Variants in FASTKD5 observed in about 807,000 individuals in gnomAD.
FASTKD5 encodes non-canonical pre-mRNAs endonuclease FASTKD5, mitochondrial.
In FASTKD5, 30 loss-of-function variants were observed where a neutral mutation model predicts 44.0. That is an observed-to-expected ratio of 0.68 (90% CI 0.51 to 0.93). FASTKD5 has a LOEUF of 0.93. FASTKD5 is among the 40% of genes least tolerant of loss of function. The pLI, the probability that FASTKD5 is intolerant of heterozygous loss-of-function variation, is 0.00. For missense variants in FASTKD5, 868 were observed against 908.2 expected, an observed-to-expected ratio of 0.96 and a Z score of 0.57; for synonymous variants, 335 against 342.2, an observed-to-expected ratio of 0.98 and a Z score of 0.23.
chr20:3,148,602 T>C lies in FASTKD5; in HGVS notation c.469A>G (p.Asn157Asp), dbSNP rs774784083. Residue 157 changes from asparagine to aspartate, a missense_variant, in exon 2 of 2, where the codon AAT (asparagine) becomes GAT (aspartate). Physicochemically the swap from Asn to Asp is conservative, Grantham distance 23. Transcript: ENST00000380266. The part of the protein sequence containing the change: ...ILHKVRVNQN[N>D]LQAQVIVDYL... ...TCAACAATGACTTGAGCCTGGAGAT[T>C]ATTTTGATTAACTCTGACTTTGTGC... 1 of 1,614,196 alleles carries C rather than the reference T, an allele frequency of 6.2e-7. No homozygotes were observed. Among genetic ancestry groups the C allele is most frequent in the Non-Finnish European group, 8.5e-7 (1 of 1,180,048 alleles).
rs1272726938 is a variant in FASTKD5 at position 3,146,861 on chromosome 20, T to C, written c.2210A>G (p.Tyr737Cys). 1 of 1,614,066 alleles carries C rather than the reference T, an allele frequency of 6.2e-7. No homozygotes were observed. Among genetic ancestry groups the C allele is most frequent in the Non-Finnish European group, 8.5e-7 (1 of 1,180,036 alleles). The change falls in exon 2 of 2, where the codon TAC becomes TGC. Residue 737 changes from tyrosine to cysteine, a missense_variant. Coordinates refer to ENST00000380266, the MANE Select transcript of FASTKD5 (RefSeq NM_021826.5). ...RLGYRVVELSYWEWLPLLKRT... is the reference protein window; with the variant it reads ...RLGYRVVELSCWEWLPLLKRT... ...TTTCAGTAGTGGGAGCCATTCCCAG[T>C]AGGATAACTCTACCACACGGTAGCC...
chr20:3,147,466 A>G lies in FASTKD5; in HGVS notation c.1605T>C (p.Thr535=). The G allele has an allele frequency of 6.2e-7, 1 of 1,614,202 alleles. No individual in the cohort carries two copies. The highest frequency in any genetic ancestry group is 8.5e-7 in the Non-Finnish European group (1 of 1,180,036). Residue 535 remains threonine, a synonymous_variant, in exon 2 of 2, where the codon ACT becomes ACC. Transcript: ENST00000380266. ...ATTCAGACCCCTCTTGCTGAAGGTG[A>G]GTACTAAGACGATTGCCTCTGTAAT... ...CPDYRGNRLS[T]HLQQEGSELL... is the part of the protein sequence containing the mutation.
At position 3,149,722 on chromosome 20, in the gene FASTKD5, A is replaced by C. The variant is rs113071255; in HGVS notation, c.-190-462T>G. Among the ~76,000 whole-genome samples the C allele has an allele frequency of 0.012, 1,787 of 152,348 alleles. 37 individuals are homozygous for C. Among genetic ancestry groups the C allele is most frequent in the African/African-American group, 0.041 (1,722 of 41,578 alleles). On this transcript the variant is annotated intron_variant, in intron 1 of 1. Transcript: ENST00000380266. The surrounding 1 kb of genome is among the most constrained non-coding windows in gnomAD (Gnocchi z 4.1). ...AAGTAAAAAGTGGGATCTGGTATAA[A>C]AGATAATTAGTTGGCTGGGTGTGGG...
chr20:3,152,342 G>A (rs1038154906), intron 1 of FASTKD5, among the ~76,000 whole-genome samples: 4 of 151,752 alleles, frequency 2.6e-5, no homozygotes, highest in Non-Finnish European at 4.4e-5. Context: ...TTAGCCAGGC[G>A]TGGTGGTGGG....
chr20:3,156,670 C>T (rs1267199526), intron 1 of FASTKD5: 9 of 152,256 alleles, frequency 5.9e-5, no homozygotes. Flanking sequence ...TTTCACAGGA[C>T]TGAAGAATCT....
intron 1 of FASTKD5, among the ~76,000 whole-genome samples, chr20:3,156,952 A>G (rs369270663): frequency 9.9e-5 from 15 of 152,086 alleles, no homozygotes; most frequent in African/African-American, 3.6e-4. Flanking sequence ...TTGTTGAGCA[A>G]CCTTAAGAAT....
chr20:3,147,200 C>G lies in FASTKD5; in HGVS notation c.1871G>C (p.Ser624Thr), dbSNP rs761535928. ...CTTATTCATCAAATCATCTGTAAGGCTGACTCCCACATGCTCAAGCCTTAA... is the reference window on the plus strand; with the variant it reads ...CTTATTCATCAAATCATCTGTAAGGGTGACTCCCACATGCTCAAGCCTTAA... ...AKLRLEHVGV[S>T]LTDDLMNKLL... Residue 624 changes from serine (S) to threonine (T), a missense_variant, in exon 2 of 2, where the codon AGC becomes ACC. Coordinates refer to ENST00000380266, the MANE Select transcript of FASTKD5 (RefSeq NM_021826.5). 2 of 1,614,080 alleles carry G rather than the reference C, an allele frequency of 1.2e-6. No homozygotes were observed. Among genetic ancestry groups the G allele is most frequent in the South Asian group, 2.2e-5 (2 of 91,094 alleles).
chr20:3,146,730 C>T lies in FASTKD5; in HGVS notation c.*46G>A. 2 of 1,558,272 alleles carry T rather than the reference C, an allele frequency of 1.3e-6. No homozygotes were observed. Among genetic ancestry groups the T allele is most frequent in the South Asian group, 1.2e-5 (1 of 81,218 alleles). The stretch of plus-strand genomic sequence containing the variant: ...TATAATCATTTTGCAACACCTGGTA[C>T]AGTATACACCTATAGCTTTGCCATA... On this transcript the variant is annotated 3_prime_UTR_variant, in exon 2 of 2. Transcript: ENST00000380266.
chr20:3,152,455 T>G (rs1162303614), intron 1 of FASTKD5, among the ~76,000 whole-genome samples: 1 of 151,890 alleles, frequency 6.6e-6, no homozygotes, highest in Non-Finnish European at 1.5e-5. Flanking sequence ...TGAGCTGAGA[T>G]AGCGCCACTG....
chr20:3,153,945 T>C lies in FASTKD5; in HGVS notation c.-190-4685A>G, dbSNP rs535279256. Among the ~76,000 whole-genome samples the C allele has an allele frequency of 2.6e-5, 4 of 152,258 alleles. No homozygotes were observed. The South Asian group carries it at 8.3e-4, about 32-fold the overall frequency. On this transcript the variant is annotated intron_variant, in intron 1 of 1. Coordinates refer to ENST00000380266, the MANE Select transcript of FASTKD5 (RefSeq NM_021826.5). ...TCAAAAAGTTTCAGATTTTGGAGCA[T>C]TTTGCATTTTGGAGTTTCAGGTTTG... is the stretch of plus-strand genomic sequence containing the variant.
At position 3,146,710 on chromosome 20, in the gene FASTKD5, T is replaced by A. The variant is rs1416681866; in HGVS notation, c.*66A>T. 2 of 1,513,962 alleles carry A rather than the reference T, an allele frequency of 1.3e-6. No homozygotes were observed. The highest frequency in any genetic ancestry group is 1.8e-6 in the Non-Finnish European group (2 of 1,128,274). 93.8% of individuals were successfully genotyped at this position (1,513,962 alleles called of 1,614,324 possible). A position where few individuals can be genotyped will look rare whatever the true frequency, so the allele number is the denominator to read the frequency against. Reference sequence around the variant, plus strand: ...CAAACTTACATTCTGGCTTTTATAATCATTTTGCAACACCTGGTACAGTAT... The same window carrying A: ...CAAACTTACATTCTGGCTTTTATAAACATTTTGCAACACCTGGTACAGTAT... On this transcript the variant is annotated 3_prime_UTR_variant, in exon 2 of 2. Transcript: ENST00000380266.
intron 1 of FASTKD5, among the ~76,000 whole-genome samples, chr20:3,158,754 G>A (rs1197482352): frequency 6.6e-6 from 1 of 152,234 alleles, no homozygotes; most frequent in African/African-American, 2.4e-5. Flanking sequence ...GATTACAGGC[G>A]TGAGCCACTG....
At chr20:3,159,132 C>G (rs977224778) in intron 1 of FASTKD5, among the ~76,000 whole-genome samples, 1 of 152,186 alleles carries the variant, frequency 6.6e-6, no homozygotes, top group Non-Finnish European at 1.5e-5. Flanking sequence ...GAAAGAGCAA[C>G]TATTCTTACC....
intron 1 of FASTKD5, among the ~76,000 whole-genome samples, chr20:3,155,824 A>G (rs766431053): frequency 1.3e-5 from 2 of 152,268 alleles, no homozygotes; most frequent in Non-Finnish European, 2.9e-5. Context: ...TCTTAGAGGC[A>G]TGAAGAGCCA....
At chr20:3,154,638 C>T (rs2066665772) in intron 1 of FASTKD5, among the ~76,000 whole-genome samples, 1 of 152,002 alleles carries the variant, frequency 6.6e-6, no homozygotes, top group Non-Finnish European at 1.5e-5. Context: ...AGCTGTGATC[C>T]TGCTATGGCA....
intron 1 of FASTKD5, among the ~76,000 whole-genome samples, chr20:3,153,417 CTCTGTAATGTAAGTTTATA>C (rs2066651383): frequency 6.6e-6 from 1 of 152,214 alleles, no homozygotes; most frequent in Non-Finnish European, 1.5e-5. Context: ...CTTATAACAT[CTCTGTAATGTAAGTTTATA>C]ATCCCCATAT....
chr20:3,155,778 G>C (rs1057379933), intron 1 of FASTKD5, among the ~76,000 whole-genome samples: 1 of 152,174 alleles, frequency 6.6e-6, no homozygotes, highest in Non-Finnish European at 1.5e-5. Context: ...CTTCTTTAAA[G>C]ATGTTCAATA....
In FASTKD5 at chr20:3,146,947, G is replaced by C; in HGVS notation, c.2124C>G (p.Cys708Trp). Residue 708 changes from cysteine (C) to tryptophan (W), a missense_variant, in exon 2 of 2, where the codon TGC (cysteine) becomes TGG (tryptophan). Cys to Trp is a radical substitution (Grantham distance 215). Transcript: ENST00000380266. ...GTCCAAGGAGATCCCTGGAGCCATA[G>C]CAATACTGGTTCCTGTTTGTGAACT... ...AVQFTNRNQYCYGSRDLLGLH... is the reference protein window; with the variant it reads ...AVQFTNRNQYWYGSRDLLGLH... The C allele has an allele frequency of 6.2e-7, 1 of 1,614,204 alleles. No homozygotes were observed. Among genetic ancestry groups the C allele is most frequent in the Non-Finnish European group, 8.5e-7 (1 of 1,180,048 alleles).
At chr20:3,159,513 AG>A (rs963409743) in intron 1 of FASTKD5, among the ~76,000 whole-genome samples, 16 of 152,344 alleles carry the variant, frequency 1.1e-4, no homozygotes, top group African/African-American at 3.6e-4. Flanking sequence ...CATTTCACAG[AG>A]GAAAAAAAAT....
Sources: gnomAD v4.1 joint callset for allele counts (sites outside exome capture counted in the v4.1 genomes callset) on GRCh38, gnomAD v4.1.1 for gene constraint, Gnocchi (gnomAD v3.1) non-coding constraint, MANE v1.5 for transcripts, NCBI Gene and HGNC (gene_info 2026-07-23, HGNC 2026-07-21) for gene names.